Variants in ITPR2 observed in about 807,000 individuals in gnomAD.
The protein encoded by ITPR2 is inositol 1,4,5-trisphosphate receptor type 2.
In ITPR2, 207 loss-of-function variants were observed where a neutral mutation model predicts 317.1. That is an observed-to-expected ratio of 0.65 (90% confidence interval 0.58 to 0.73). ITPR2 has a LOEUF of 0.73. Ranked by LOEUF, ITPR2 falls within the 30% of genes least tolerant of loss-of-function variation. The pLI, the probability that ITPR2 is intolerant of heterozygous loss-of-function variation, is 0.00. For missense variants in ITPR2, 2,613 were observed against 3,284.0 expected, an observed-to-expected ratio of 0.80 and a Z score of 4.99; for synonymous variants, 1,156 against 1,149.1, an observed-to-expected ratio of 1.01 and a Z score of -0.12.
intron 9 of ITPR2, among the ~76,000 whole-genome samples, chr12:26,700,684 G>A (rs188672331): frequency 4.7e-4 from 72 of 152,300 alleles, no homozygotes; most frequent in Non-Finnish European, 9.4e-4. Context: ...CCTTTAAACC[G>A]CAGGCTAGAG....
chr12:26,510,975 A>G (rs7964750), intron 37 of ITPR2, among the ~76,000 whole-genome samples: 81,521 of 152,038 alleles, frequency 0.54, 22,573 homozygotes, highest in South Asian at 0.65. Flanking sequence ...GAACTGTACC[A>G]AAAAATACAT....
chr12:26,762,313 A>G (rs1407906715), intron 2 of ITPR2, among the ~76,000 whole-genome samples: 2 of 152,242 alleles, frequency 1.3e-5, no homozygotes, highest in African/African-American at 4.8e-5. Context: ...CTCAAAAGTC[A>G]AAGTGAATTT....
chr12:26,503,262 A>C (rs1315596177), intron 37 of ITPR2, among the ~76,000 whole-genome samples: 3 of 151,372 alleles, frequency 2.0e-5, no homozygotes, highest in Non-Finnish European at 4.4e-5. Context: ...TTTCCCCAAA[A>C]TACTAGAAAT....
chr12:26,365,293 A>AT (rs2136587191), intron 55 of ITPR2, among the ~76,000 whole-genome samples: 1 of 152,324 alleles, frequency 6.6e-6, no homozygotes, highest in South Asian at 2.1e-4. Flanking sequence ...ACCTAACAAA[A>AT]TTTTTAACGT....
chr12:26,569,930 C>T (rs1360885191), intron 34 of ITPR2, among the ~76,000 whole-genome samples: 3 of 152,156 alleles, frequency 2.0e-5, no homozygotes, highest in African/African-American at 4.8e-5. Flanking sequence ...TAGGTATTTA[C>T]CTTATTCACA....
rs550151905 is a variant in ITPR2, at chr12:26,557,277, T to C, written c.4822-902A>G. On this transcript the variant is annotated intron_variant, in intron 35 of 56. Coordinates refer to ENST00000381340, the MANE Select transcript of ITPR2 (RefSeq NM_002223.4). ...ACCCAACAGCCTTTCTTCACTCTCTTCCTTGCTAACAGAATCTCAATGTCA... is the reference window on the plus strand; with the variant it reads ...ACCCAACAGCCTTTCTTCACTCTCTCCCTTGCTAACAGAATCTCAATGTCA... Among the ~76,000 whole-genome samples, 7 of 152,352 alleles carry C rather than the reference T, an allele frequency of 4.6e-5. No individual in the cohort carries two copies. In the South Asian group the frequency reaches 1.4e-3, roughly 32 times the overall value.
At chr12:26,416,902 G>A (rs564597561) in intron 50 of ITPR2, among the ~76,000 whole-genome samples, 101 of 152,230 alleles carry the variant, frequency 6.6e-4, no homozygotes, top group African/African-American at 2.1e-3. Context: ...TCTAGAGAAC[G>A]TTTACAGCTT....
At chr12:26,661,168 T>C (rs1439274887) in intron 15 of ITPR2, among the ~76,000 whole-genome samples, 6 of 151,330 alleles carry the variant, frequency 4.0e-5, no homozygotes, top group Admixed American at 1.3e-4. Context: ...TATTCCTTTA[T>C]CATCTATGCT....
chr12:26,809,802 A>G (rs902560865), intron 1 of ITPR2, among the ~76,000 whole-genome samples: 2 of 152,208 alleles, frequency 1.3e-5, no homozygotes, highest in Non-Finnish European at 2.9e-5. Context: ...CCTGTTGGGC[A>G]TGCTATAAAT....
intron 34 of ITPR2, among the ~76,000 whole-genome samples, chr12:26,569,270 T>C (rs1427045261): frequency 3.3e-5 from 5 of 151,384 alleles, no homozygotes; most frequent in Non-Finnish European, 5.9e-5. Context: ...AGAAAAAAAA[T>C]ATGGTGGGCA....
rs186524883 is a variant in ITPR2, at chr12:26,733,721, G to A, written c.164-7956C>T. On this transcript the variant is annotated intron_variant, in intron 2 of 56. Transcript: ENST00000381340. ...AATGCTAATTTGTATTCTTGTCAAG[G>A]TTTGAATTTCAGCATTGATTGAGCA... Among the ~76,000 whole-genome samples the A allele has an allele frequency of 7.2e-3, 1,091 of 152,200 alleles. 11 individuals are homozygous for A. Among genetic ancestry groups the A allele is most frequent in the African/African-American group, 0.021 (880 of 41,536 alleles).
intron 9 of ITPR2, among the ~76,000 whole-genome samples, chr12:26,707,864 A>G (rs1414119823): frequency 1.3e-5 from 2 of 151,444 alleles, no homozygotes; most frequent in African/African-American, 4.9e-5. Flanking sequence ...ATTAATAACC[A>G]GAATATATAA....
intron 8 of ITPR2, among the ~76,000 whole-genome samples, chr12:26,712,290 G>C (rs1948658690): frequency 6.6e-6 from 1 of 152,134 alleles, no homozygotes; most frequent in East Asian, 1.9e-4. Context: ...CTTTTTGCTA[G>C]TACTGACCAC....
At chr12:26,465,896 A>T (rs1304370083) in intron 45 of ITPR2, among the ~76,000 whole-genome samples, 2 of 152,188 alleles carry the variant, frequency 1.3e-5, no homozygotes, top group African/African-American at 2.4e-5. Flanking sequence ...CTAGCATGTA[A>T]GCTCACAGAG....
At chr12:26,509,932 AT>A (rs899582294) in intron 37 of ITPR2, among the ~76,000 whole-genome samples, 12 of 123,298 alleles carry the variant, frequency 9.7e-5, no homozygotes, top group Non-Finnish European at 6.4e-5. Flanking sequence ...CCCAGAATTT[AT>A]TTTGTTAACA....
intron 51 of ITPR2, among the ~76,000 whole-genome samples, chr12:26,412,032 A>C (rs2136672261): frequency 6.6e-6 from 1 of 152,322 alleles, no homozygotes; most frequent in Admixed American, 6.5e-5. Context: ...TGTATGAAAC[A>C]ACGTTTTATT....
intron 28 of ITPR2, 71 bp downstream of exon 28, chr12:26,602,299 T>C: frequency 2.4e-5 from 37 of 1,521,792 alleles, no homozygotes; most frequent in Non-Finnish European, 3.0e-5. Flanking sequence ...AAAAATTTCT[T>C]GGAACTTTGC....
chr12:26,737,732 A>G (rs1355850770), intron 2 of ITPR2, among the ~76,000 whole-genome samples: 1 of 152,232 alleles, frequency 6.6e-6, no homozygotes, highest in Non-Finnish European at 1.5e-5. Flanking sequence ...CCCGGACCCC[A>G]TAAGTCTTCT....
intron 15 of ITPR2, among the ~76,000 whole-genome samples, chr12:26,662,538 A>G (rs1036537263): frequency 6.6e-6 from 1 of 152,202 alleles, no homozygotes; most frequent in Non-Finnish European, 1.5e-5. Flanking sequence ...AAACTCATCA[A>G]TGAAACTTAC....
Sources: allele counts gnomAD v4.1 joint callset (sites outside exome capture counted in the v4.1 genomes callset), GRCh38; gene constraint gnomAD v4.1.1; transcripts MANE v1.5; gene names NCBI Gene and HGNC (gene_info 2026-07-23, HGNC 2026-07-21).